The following ESRRG variants were observed in gnomAD, a reference collection of about 807,000 sequenced individuals.
ESRRG encodes estrogen-related receptor gamma.
A neutral mutation model predicts 44.0 loss-of-function variants in ESRRG; 13 were observed. The observed-to-expected ratio is 0.30, with a 90% CI of 0.19 to 0.47. The LOEUF (loss-of-function observed/expected upper bound fraction) is 0.47. ESRRG is among the 20% of genes least tolerant of loss of function. The pLI, the probability that ESRRG is intolerant of heterozygous loss-of-function variation, is 1.00. For missense variants in ESRRG, 395 were observed against 580.6 expected (o/e 0.68, Z 3.29); for synonymous variants, 215 against 214.6 (o/e 1.00, Z -0.02).
At chr1:216,814,063 C>T (rs950204394) in intron 2 of ESRRG, among the ~76,000 whole-genome samples, 2 of 151,992 alleles carry the variant, frequency 1.3e-5, no homozygotes, top group Non-Finnish European at 2.9e-5. Flanking sequence ...TCCCATTTTG[C>T]ATTACTGCTG....
chr1:216,606,428 C>T (rs769646704), intron 3 of ESRRG, among the ~76,000 whole-genome samples: 2 of 152,192 alleles, frequency 1.3e-5, no homozygotes, highest in Non-Finnish European at 2.9e-5. Context: ...TACTCATAGT[C>T]ACACTTTATC....
At chr1:217,034,313 C>G (rs933958269) in intron 1 of ESRRG, among the ~76,000 whole-genome samples, 3 of 152,136 alleles carry the variant, frequency 2.0e-5, no homozygotes, top group African/African-American at 7.2e-5. Flanking sequence ...TGGTAAATAT[C>G]TTTCGTACCC....
intron 2 of ESRRG, chr1:216,805,118 TGGTGGC>T (rs2094746936): frequency 6.6e-6 from 1 of 152,202 alleles, no homozygotes; most frequent in South Asian, 2.1e-4. Flanking sequence ...AATCGAGATG[TGGTGGC>T]AGTAAGTAGT....
rs936786557 is a variant in ESRRG, at chr1:216,987,247, C to G, written c.-105-47574G>C. 2.6e-5 allele frequency among the ~76,000 whole-genome samples: 4 copies of G among 152,234 alleles called. 1 individual carries two copies. The South Asian group carries it at 8.3e-4, about 32-fold the overall frequency. ...TAATTTTGCATTTTTAGTTTGATAT[C>G]CTTTCTCTAACATAGCTGTGCTTAA... On this transcript the variant is annotated intron_variant, in intron 1 of 7. Coordinates refer to the ESRRG transcript ENST00000359162.
At chr1:217,001,447 A>G (rs1179474908) in intron 1 of ESRRG, among the ~76,000 whole-genome samples, 3 of 152,248 alleles carry the variant, frequency 2.0e-5, no homozygotes, top group East Asian at 1.9e-4. Context: ...CCTTCATTCA[A>G]TCACACACAA....
At chr1:217,065,477 G>C (rs1265014605) in intron 1 of ESRRG, among the ~76,000 whole-genome samples, 1 of 152,168 alleles carries the variant, frequency 6.6e-6, no homozygotes, top group Non-Finnish European at 1.5e-5. Flanking sequence ...TCAAACATGA[G>C]GTTTCAGTGG....
At chr1:216,563,545 C>A (rs774753339) in intron 5 of ESRRG, among the ~76,000 whole-genome samples, 1 of 152,022 alleles carries the variant, frequency 6.6e-6, no homozygotes, top group Non-Finnish European at 1.5e-5. Context: ...TCTGAAAATT[C>A]AACTCCAAAC....
chr1:216,581,360 A>G (rs2149812841), intron 3 of ESRRG, among the ~76,000 whole-genome samples: 1 of 152,316 alleles, frequency 6.6e-6, no homozygotes, highest in Non-Finnish European at 1.5e-5. Flanking sequence ...ACTTGTACAT[A>G]TATCCACACA....
chr1:216,775,551 CTTTTTTTTTTTTTTTTTTTTTTTTT>C (rs71163765), intron 2 of ESRRG, among the ~76,000 whole-genome samples: 28 of 74,832 alleles, frequency 3.7e-4, no homozygotes, highest in African/African-American at 6.6e-4. Flanking sequence ...AATGTCACAT[CTTTTTTTTTTTTTTTTTTTTTTTTT>C]TTTTTTTTTT....
intron 3 of ESRRG, among the ~76,000 whole-genome samples, chr1:216,604,849 A>G (rs1459620118): frequency 6.6e-6 from 1 of 152,168 alleles, no homozygotes; most frequent in African/African-American, 2.4e-5. Flanking sequence ...ACTTAAAACC[A>G]CAAAGTATAT....
intron 2 of ESRRG, among the ~76,000 whole-genome samples, chr1:216,912,471 G>T (rs940151952): frequency 2.0e-5 from 3 of 152,112 alleles, no homozygotes; most frequent in African/African-American, 7.2e-5. Context: ...TAATGTCAAA[G>T]CCTATTTTCC....
chr1:216,948,211 A>G (rs2066371382), intron 1 of ESRRG, among the ~76,000 whole-genome samples: 2 of 152,144 alleles, frequency 1.3e-5, no homozygotes, highest in Admixed American at 1.3e-4. Flanking sequence ...TCCTCCCACC[A>G]GCTACTATGA....
chr1:216,906,946 A>G (rs1281747971), intron 2 of ESRRG, among the ~76,000 whole-genome samples: 1 of 152,192 alleles, frequency 6.6e-6, no homozygotes, highest in Non-Finnish European at 1.5e-5. Flanking sequence ...TTTTTTGTAT[A>G]TATTGATAAC....
At chr1:217,022,714 G>C (rs1011090390) in intron 1 of ESRRG, among the ~76,000 whole-genome samples, 13 of 152,158 alleles carry the variant, frequency 8.5e-5, no homozygotes, top group African/African-American at 3.1e-4. Flanking sequence ...CCCTTCTAGG[G>C]CTTTAGGAAG....
chr1:216,962,308 C>T (rs1047962033), intron 1 of ESRRG, among the ~76,000 whole-genome samples: 6 of 151,900 alleles, frequency 3.9e-5, no homozygotes, highest in African/African-American at 1.2e-4. Flanking sequence ...TTATTTCCTC[C>T]CAACTAGGAA....
At chr1:217,120,347 C>T (rs2092803069) in intron 1 of ESRRG, among the ~76,000 whole-genome samples, 1 of 152,002 alleles carries the variant, frequency 6.6e-6, no homozygotes, top group Middle Eastern at 3.2e-3. Context: ...TTAATCTCCA[C>T]TATCACAACA....
chr1:216,679,402 A>T (rs940213030), intron 1 of ESRRG, among the ~76,000 whole-genome samples: 1 of 152,132 alleles, frequency 6.6e-6, no homozygotes, highest in Non-Finnish European at 1.5e-5. Context: ...CAGCCCTGTG[A>T]ATTCCTTTTA....
At chr1:216,965,821 GC>G (rs2070217567) in intron 1 of ESRRG, among the ~76,000 whole-genome samples, 1 of 152,172 alleles carries the variant, frequency 6.6e-6, no homozygotes, top group Non-Finnish European at 1.5e-5. Flanking sequence ...TTGTCATGTT[GC>G]CATGGTCTGG....
At chr1:217,075,850 T>G (rs1316434227) in intron 1 of ESRRG, among the ~76,000 whole-genome samples, 1 of 152,112 alleles carries the variant, frequency 6.6e-6, no homozygotes, top group Non-Finnish European at 1.5e-5. Flanking sequence ...CTGGAGTGTA[T>G]GTAGAGGGGG....
Sources: gnomAD v4.1 joint callset for allele counts (sites outside exome capture counted in the v4.1 genomes callset) on GRCh38, gnomAD v4.1.1 for gene constraint, MANE v1.5 for transcripts, NCBI Gene and HGNC (gene_info 2026-07-23, HGNC 2026-07-21) for gene names.